The following CEP97 variants were observed in gnomAD, a reference collection of about 807,000 sequenced individuals.
CEP97 encodes the protein centrosomal protein 97.
A neutral mutation model predicts 73.1 loss-of-function variants in CEP97; 43 were observed. The ratio of observed to expected loss-of-function variants is 0.59; its 90% CI spans 0.46 to 0.76. CEP97 has a LOEUF of 0.76. Among genes scored for constraint, CEP97 ranks in the 30% least tolerant of loss-of-function variants. CEP97 has a pLI of 0.00. For missense variants in CEP97, 939 were observed against 1,014.0 expected, an observed-to-expected ratio of 0.93 and a Z score of 1.00; for synonymous variants, 337 against 370.0, an observed-to-expected ratio of 0.91 and a Z score of 1.02.
chr3:101,739,560 A>G (rs1345478734), intron 6 of CEP97, among the ~76,000 whole-genome samples: 2 of 152,208 alleles, frequency 1.3e-5, no homozygotes, highest in Admixed American at 6.5e-5. Context: ...AACAGAACCA[A>G]TGATAAAAAC....
At chr3:101,724,753 A>G in intron 1 of CEP97, 34 bp downstream of exon 1, 1 of 1,609,748 alleles carries the variant, frequency 6.2e-7, no homozygotes, top group Non-Finnish European at 8.5e-7. Context: ...CCTAAGGTTT[A>G]CTTCACGGAG....
chr3:101,736,872 T>C (rs1234509992), intron 6 of CEP97, among the ~76,000 whole-genome samples: 4 of 152,178 alleles, frequency 2.6e-5, no homozygotes, highest in African/African-American at 7.2e-5. Context: ...GAAGTAGGCT[T>C]CAGAATAATA....
At chr3:101,758,517 A>G in intron 9 of CEP97, 94 bp downstream of exon 9, 1 of 1,417,488 alleles carries the variant, frequency 7.1e-7, no homozygotes, top group South Asian at 1.3e-5. Flanking sequence ...TGTGATTATA[A>G]CACTTTTCAC....
intron 6 of CEP97, among the ~76,000 whole-genome samples, chr3:101,753,797 G>A (rs948848353): frequency 3.9e-5 from 6 of 152,236 alleles, no homozygotes; most frequent in Non-Finnish European, 8.8e-5. Context: ...TTTTCCAGGT[G>A]CCATCTGTCA....
At position 101,731,826 on chromosome 3, in the gene CEP97, TTTTTA is replaced by T; in HGVS notation, c.448-13_448-9del. On this transcript the variant is annotated splice_polypyrimidine_tract_variant and intron_variant, in intron 4 of 10. Coordinates refer to ENST00000341893, the MANE Select transcript of CEP97 (RefSeq NM_024548.4). ...ATCTTTTCATTTGTAATTCATACTGTTTTTACTTTCAAGACCCTGCTTTTACATGG... is the reference window on the plus strand; with the variant it reads ...ATCTTTTCATTTGTAATTCATACTGTCTTTCAAGACCCTGCTTTTACATGG... 2 of 1,448,850 alleles carry T rather than the reference TTTTTA, an allele frequency of 1.4e-6. No homozygotes were observed. Among genetic ancestry groups the T allele is most frequent in the Non-Finnish European group, 1.9e-6 (2 of 1,034,822 alleles). 89.7% of individuals were successfully genotyped at this position (1,448,850 alleles called of 1,614,324 possible).
intron 3 of CEP97, 104 bp downstream of exon 3, chr3:101,727,645 C>T (rs1334693319): frequency 2.9e-5 from 25 of 849,678 alleles, no homozygotes. Context: ...CTCCCACTCT[C>T]CAGGGATAAT....
intron 10 of CEP97, among the ~76,000 whole-genome samples, chr3:101,762,882 C>A (rs1331842101): frequency 6.6e-6 from 1 of 152,104 alleles, no homozygotes; most frequent in African/African-American, 2.4e-5. Flanking sequence ...ATCGATCTGT[C>A]TTTTGGGAAT....
intron 6 of CEP97, among the ~76,000 whole-genome samples, chr3:101,748,114 A>C (rs1214627434): frequency 7.4e-6 from 1 of 134,498 alleles, no homozygotes; most frequent in Non-Finnish European, 1.6e-5. Flanking sequence ...CCTGGGTGGC[A>C]GAGAGACCTT....
In CEP97 at chr3:101,767,527, A is replaced by T. The variant is rs968988729; in HGVS notation, c.*1976A>T. Reference sequence around the variant, plus strand: ...TTTTCATAAAAGCTGCTGGAATGTCATGATTCAGTATTACCTAAATAGATT... The same window carrying T: ...TTTTCATAAAAGCTGCTGGAATGTCTTGATTCAGTATTACCTAAATAGATT... On this transcript the variant is annotated 3_prime_UTR_variant, in exon 11 of 11. Transcript: ENST00000341893. 1 of 152,204 alleles carries T rather than the reference A, an allele frequency of 6.6e-6. No individual in the cohort carries two copies. The highest frequency in any genetic ancestry group is 2.4e-5 in the African/African-American group (1 of 41,446). 9.4% of individuals were successfully genotyped at this position (152,204 alleles called of 1,614,324 possible). A position where few individuals can be genotyped will look rare whatever the true frequency, so the allele number is the denominator to read the frequency against.
At chr3:101,759,690 T>C (rs1420637839) in intron 9 of CEP97, among the ~76,000 whole-genome samples, 1 of 152,214 alleles carries the variant, frequency 6.6e-6, no homozygotes, top group African/African-American at 2.4e-5. Flanking sequence ...GCCAGTCTTA[T>C]CTTTGCAATG....
At chr3:101,737,122 T>C (rs11706986) in intron 6 of CEP97, among the ~76,000 whole-genome samples, 55,565 of 151,834 alleles carry the variant, frequency 0.37, 10,646 homozygotes, top group African/African-American at 0.46. Context: ...TGAAATAAAC[T>C]GTGAAGACAA....
intron 6 of CEP97, among the ~76,000 whole-genome samples, chr3:101,746,369 C>T (rs1191566402): frequency 6.4e-4 from 96 of 151,162 alleles, no homozygotes; most frequent in African/African-American, 2.0e-3. Flanking sequence ...TCAGAAATAA[C>T]GCCGCATATC....
Position 101,757,914 on chromosome 3 carries a change from A to C in CEP97, c.1308A>C (p.Ala436=). The part of the protein sequence containing the change: ...INLGLEDDGV[A]DESVKGLESQ... ...TGGGCCTAGAAGATGATGGTGTTGC[A>C]GATGAATCTGTGAAAGGGCTGGAAA... Residue 436 remains alanine (A), a synonymous_variant, in exon 9 of 11, where the codon GCA becomes GCC. Coordinates refer to ENST00000341893, the MANE Select transcript of CEP97 (RefSeq NM_024548.4). 1 of 1,614,278 alleles carries C rather than the reference A, an allele frequency of 6.2e-7. No individual in the cohort carries two copies. The highest frequency in any genetic ancestry group is 8.5e-7 in the Non-Finnish European group (1 of 1,180,052).
At chr3:101,742,350 G>C (rs1483266597) in intron 6 of CEP97, among the ~76,000 whole-genome samples, 6 of 152,116 alleles carry the variant, frequency 3.9e-5, no homozygotes, top group Non-Finnish European at 8.8e-5. Flanking sequence ...GCCCATCAAT[G>C]ATAGACTGGA....
Position 101,766,079 on chromosome 3 carries a change from A to C in CEP97, c.*528A>C, listed in dbSNP as rs1939312134. 6.6e-6 allele frequency: 1 copy of C among 152,200 alleles called. No individual in the cohort carries two copies. Among genetic ancestry groups the C allele is most frequent in the South Asian group, 2.1e-4 (1 of 4,826 alleles). 9.4% of individuals were successfully genotyped at this position (152,200 alleles called of 1,614,324 possible). A position where few individuals can be genotyped will look rare whatever the true frequency, so the allele number is the denominator to read the frequency against. On this transcript the variant is annotated 3_prime_UTR_variant, in exon 11 of 11. Coordinates refer to ENST00000341893, the MANE Select transcript of CEP97 (RefSeq NM_024548.4). ...AGCCTTTTTTCCTCCTTTCGGAGTC[A>C]AGGAAAGCCTTTCTATAAGCAAATT...
At chr3:101,738,943 A>C (rs539288741) in intron 6 of CEP97, among the ~76,000 whole-genome samples, 6 of 152,154 alleles carry the variant, frequency 3.9e-5, no homozygotes, top group Non-Finnish European at 7.4e-5. Flanking sequence ...CCAGACTAAT[A>C]AGAAAAGAGA....
rs1022063295 is a variant in CEP97, at chr3:101,736,649, A to G, written c.728+3995A>G. 1.1e-3 allele frequency among the ~76,000 whole-genome samples: 171 copies of G among 152,334 alleles called. 3 individuals are homozygous for G. Among genetic ancestry groups the G allele is most frequent in the Non-Finnish European group, 1.9e-4 (13 of 68,020 alleles). ...CTAACAAACAGAAAGGAATAGCATCAACATCAACAAAAAGGACATCCACAC... is the reference window on the plus strand; with the variant it reads ...CTAACAAACAGAAAGGAATAGCATCGACATCAACAAAAAGGACATCCACAC... On this transcript the variant is annotated intron_variant, in intron 6 of 10. Transcript: ENST00000341893.
At chr3:101,728,263 T>G (rs910250282) in intron 3 of CEP97, among the ~76,000 whole-genome samples, 1 of 48,534 alleles carries the variant, frequency 2.1e-5, no homozygotes, top group East Asian at 3.9e-4. Context: ...GTTTCTTTTG[T>G]TTTTTTTTTT....
intron 10 of CEP97, chr3:101,762,964 T>C (rs905284092): frequency 4.6e-6 from 3 of 651,522 alleles, no homozygotes; most frequent in African/African-American, 3.8e-5. Flanking sequence ...CATAACTGTA[T>C]AGGAGAGTAT....
Sources: allele counts gnomAD v4.1 joint callset (sites outside exome capture counted in the v4.1 genomes callset), GRCh38; gene constraint gnomAD v4.1.1; transcripts MANE v1.5; gene names NCBI Gene and HGNC (gene_info 2026-07-23, HGNC 2026-07-21).